NUP98: variants seen among roughly 807,000 people sequenced by gnomAD.
NUP98 encodes nuclear pore complex protein Nup98-Nup96.
In NUP98, 26 loss-of-function variants were observed where a neutral mutation model predicts 191.9. The ratio of observed to expected loss-of-function variants is 0.14; its 90% CI spans 0.10 to 0.19. The LOEUF (loss-of-function observed/expected upper bound fraction) is 0.19. NUP98 is among the 10% of genes least tolerant of loss of function. NUP98 has a pLI of 1.00. For synonymous variants in NUP98, 808 were observed against 778.4 expected (o/e 1.04, Z -0.63); for missense variants, 1,941 against 2,178.8 (o/e 0.89, Z 2.17).
chr11:3,741,765 A>C (rs2080293743), intron 12 of NUP98, among the ~76,000 whole-genome samples: 1 of 152,216 alleles, frequency 6.6e-6, no homozygotes, highest in Non-Finnish European at 1.5e-5. Context: ...ACAATCCTAA[A>C]TGCTTTTGAG....
rs189487400 is a variant in NUP98, at chr11:3,780,528, C to T, written c.77-1271G>A. Among the ~76,000 whole-genome samples the T allele has an allele frequency of 2.9e-3, 333 of 113,300 alleles. 2 individuals are homozygous for T. Among genetic ancestry groups the T allele is most frequent in the African/African-American group, 0.011 (320 of 28,218 alleles). 74.3% of individuals were successfully genotyped at this position (113,300 alleles called of 152,430 possible). A position where few individuals can be genotyped will look rare whatever the true frequency, so the allele number is the denominator to read the frequency against. On this transcript the variant is annotated intron_variant, in intron 2 of 32. Coordinates refer to ENST00000324932, the MANE Select transcript of NUP98 (RefSeq NM_016320.5). ...CCGCACTCCATCCTGGGTGACAGAG[C>T]GAGACTCCATCTCAAAAAAAAAAAA...
At chr11:3,763,580 C>A (rs747271309) in intron 8 of NUP98, among the ~76,000 whole-genome samples, 1 of 152,056 alleles carries the variant, frequency 6.6e-6, no homozygotes, top group Admixed American at 6.6e-5. Flanking sequence ...TTTTTTGATA[C>A]GGAGTTTCGT....
At chr11:3,780,571 AAAAG>A (rs1235337422) in intron 2 of NUP98, among the ~76,000 whole-genome samples, 1 of 150,962 alleles carries the variant, frequency 6.6e-6, no homozygotes, top group Non-Finnish European at 1.5e-5. Flanking sequence ...AAGAAAAAGA[AAAAG>A]AAAAAGAAAA....
In NUP98 at chr11:3,719,561, G is replaced by C; in HGVS notation, c.2261-11C>G. The stretch of plus-strand genomic sequence containing the variant: ...AGATTGAACCATAACCTATAAATCA[G>C]AGCAAATAGTTAAAAATTCATTCTG... On this transcript the variant is annotated splice_polypyrimidine_tract_variant and intron_variant, in intron 17 of 32. Coordinates refer to ENST00000324932, the MANE Select transcript of NUP98 (RefSeq NM_016320.5). The C allele has an allele frequency of 6.6e-7, 1 of 1,525,914 alleles. No individual in the cohort carries two copies. Among genetic ancestry groups the C allele is most frequent in the Non-Finnish European group, 8.8e-7 (1 of 1,140,762 alleles). The allele number at this position is 1,525,914 out of a possible 1,614,324, so 94.5% of individuals were successfully genotyped here.
chr11:3,742,597 G>A (rs940588976), intron 12 of NUP98, among the ~76,000 whole-genome samples: 3 of 150,576 alleles, frequency 2.0e-5, no homozygotes, highest in African/African-American at 7.3e-5. Context: ...TACTCAGGAA[G>A]CTGAGGCAGC....
At chr11:3,779,344 A>T in intron 2 of NUP98, 87 bp from the exon 3 acceptor site, 2 of 1,149,258 alleles carry the variant, frequency 1.7e-6, no homozygotes, top group South Asian at 2.5e-5. Context: ...AATATTTCTT[A>T]AAATTCTGCA....
chr11:3,779,641 CAA>C (rs35376772), intron 2 of NUP98, among the ~76,000 whole-genome samples: 11,024 of 139,534 alleles, frequency 0.079, 401 homozygotes, highest in Middle Eastern at 0.11. Context: ...AACGCCGTCT[CAA>C]AAAAAAAAAA....
chr11:3,787,471 T>C (rs1190371710), intron 1 of NUP98, among the ~76,000 whole-genome samples: 1 of 152,016 alleles, frequency 6.6e-6, no homozygotes, highest in Admixed American at 6.6e-5. Context: ...TAATCCCAGC[T>C]ACTCGAGAGA....
chr11:3,763,074 T>C (rs762711504), intron 8 of NUP98, 35 bp from the exon 9 acceptor site: 101 of 1,583,572 alleles, frequency 6.4e-5, no homozygotes, highest in Middle Eastern at 3.4e-4. Flanking sequence ...AAAGATATCC[T>C]GTAATAGTTT....
intron 22 of NUP98, among the ~76,000 whole-genome samples, 160 bp from the exon 23 acceptor site, chr11:3,703,052 G>C (rs1479433620): frequency 6.6e-6 from 1 of 152,084 alleles, no homozygotes; most frequent in Admixed American, 6.6e-5. Context: ...GTCAGATTTT[G>C]CAGAAATTAC....
intron 11 of NUP98, among the ~76,000 whole-genome samples, chr11:3,746,008 G>A (rs1251986514): frequency 6.6e-6 from 1 of 152,030 alleles, no homozygotes; most frequent in African/African-American, 2.4e-5. Flanking sequence ...GGTGCCTCAC[G>A]CCTGTAATCC....
chr11:3,693,392 C>A lies in NUP98; in HGVS notation c.4168-17G>T. 1.9e-6 allele frequency: 3 copies of A among 1,613,538 alleles called. No homozygotes were observed. Among genetic ancestry groups the A allele is most frequent in the Non-Finnish European group, 2.5e-6 (3 of 1,179,624 alleles). ...CTGCCACACCTGTGCGAAACAAAATCATCACCATGGCTATATTCTACCTTG... is the reference window on the plus strand; with the variant it reads ...CTGCCACACCTGTGCGAAACAAAATAATCACCATGGCTATATTCTACCTTG... On this transcript the variant is annotated splice_polypyrimidine_tract_variant and intron_variant, in intron 26 of 32. Transcript: ENST00000324932.
intron 23 of NUP98, among the ~76,000 whole-genome samples, chr11:3,701,831 G>A (rs916820050): frequency 5.3e-5 from 8 of 151,606 alleles, no homozygotes; most frequent in Admixed American, 2.0e-4. Flanking sequence ...GTCTACAGGC[G>A]CCTGCCACAA....
At chr11:3,709,876 T>C (rs2078981711) in intron 20 of NUP98, among the ~76,000 whole-genome samples, 1 of 144,306 alleles carries the variant, frequency 6.9e-6, no homozygotes. Flanking sequence ...TAATGCTAAA[T>C]GACGAGTTAA....
intron 13 of NUP98, among the ~76,000 whole-genome samples, chr11:3,733,714 A>G (rs1423901738): frequency 6.6e-6 from 1 of 152,242 alleles, no homozygotes; most frequent in East Asian, 1.9e-4. Context: ...ATAGACTTAT[A>G]AAACATTTTG....
At chr11:3,715,930 T>C (rs2079165413) in intron 18 of NUP98, among the ~76,000 whole-genome samples, 1 of 152,156 alleles carries the variant, frequency 6.6e-6, no homozygotes, top group Non-Finnish European at 1.5e-5. Context: ...TTTAAATGGG[T>C]TATTATTTTT....
Position 3,682,963 on chromosome 11 carries a change from T to C in NUP98, c.4918+237A>G, listed in dbSNP as rs112722291. Among the ~76,000 whole-genome samples, 367 of 152,250 alleles carry C rather than the reference T, an allele frequency of 2.4e-3. 1 individual carries two copies. Among genetic ancestry groups the C allele is most frequent in the African/African-American group, 8.6e-3 (359 of 41,552 alleles). ...AGTAAACAAATTAAAATAATAATAA[T>C]ATTAGCACACATCAAGAATATTTCT... On this transcript the variant is annotated intron_variant, in intron 30 of 32. Coordinates refer to ENST00000324932, the MANE Select transcript of NUP98 (RefSeq NM_016320.5).
At chr11:3,707,032 A>C (rs2078882183) in intron 20 of NUP98, among the ~76,000 whole-genome samples, 1 of 152,082 alleles carries the variant, frequency 6.6e-6, no homozygotes. Context: ...AAAAGGTACA[A>C]ATATCAAAGT....
intron 12 of NUP98, among the ~76,000 whole-genome samples, chr11:3,741,915 AG>A (rs1443146365): frequency 6.6e-6 from 1 of 152,234 alleles, no homozygotes; most frequent in Admixed American, 6.5e-5. Context: ...GAATGAATGA[AG>A]GTATTTTCAG....
Sources: gnomAD v4.1 joint callset for allele counts (sites outside exome capture counted in the v4.1 genomes callset) on GRCh38, gnomAD v4.1.1 for gene constraint, MANE v1.5 for transcripts, NCBI Gene and HGNC (gene_info 2026-07-23, HGNC 2026-07-21) for gene names.